The following EPM2A variants were observed in gnomAD, a reference collection of about 807,000 sequenced individuals.
EPM2A encodes the protein EPM2A glucan phosphatase, laforin.
A neutral mutation model predicts 26.5 loss-of-function variants in EPM2A; 21 were observed. That is an observed-to-expected ratio of 0.79 (90% confidence interval 0.56 to 1.14). The LOEUF (loss-of-function observed/expected upper bound fraction) is 1.14, where lower values mean the gene tolerates loss of function less well. Among genes scored for constraint, EPM2A ranks in the 50% most tolerant of loss-of-function variants. The pLI, the probability that EPM2A is intolerant of heterozygous loss-of-function variation, is 0.00. For missense variants in EPM2A, 458 were observed against 440.8 expected, an observed-to-expected ratio of 1.04 and a Z score of -0.35; for synonymous variants, 217 against 177.6, an observed-to-expected ratio of 1.22 and a Z score of -1.76.
At chr6:145,708,888 G>A (rs74649022) in intron 1 of EPM2A, among the ~76,000 whole-genome samples, 5,097 of 152,292 alleles carry the variant, frequency 0.033, 199 homozygotes, top group East Asian at 0.19. Context: ...AGCCAGGAGT[G>A]GGGCTGGACA....
At chr6:145,588,585 T>C (rs1267509427) in intron 2 of EPM2A, among the ~76,000 whole-genome samples, 1 of 152,232 alleles carries the variant, frequency 6.6e-6, no homozygotes, top group African/African-American at 2.4e-5. Flanking sequence ...TTGTTCTATG[T>C]TGTTTTTTCC....
intron 1 of EPM2A, among the ~76,000 whole-genome samples, chr6:145,696,943 C>T (rs904374525): frequency 1.3e-5 from 2 of 151,934 alleles, no homozygotes; most frequent in Admixed American, 6.6e-5. Context: ...TATATGTAAA[C>T]TTGGCTAGCT....
intron 2 of EPM2A, among the ~76,000 whole-genome samples, chr6:145,607,348 A>T (rs754698368): frequency 6.6e-6 from 1 of 152,216 alleles, no homozygotes; most frequent in African/African-American, 2.4e-5. Context: ...TGAATCAAAG[A>T]ATAGAAACCA....
chr6:145,675,851 C>T (rs1252988706), intron 2 of EPM2A, among the ~76,000 whole-genome samples: 1 of 152,180 alleles, frequency 6.6e-6, no homozygotes, highest in African/African-American at 2.4e-5. Flanking sequence ...TAACACCCCA[C>T]TGTCAATATT....
At position 145,464,189 on chromosome 6, in the gene EPM2A, G is replaced by A. The variant is rs543718064; in HGVS notation, c.555+38333C>T. Among the ~76,000 whole-genome samples the A allele has an allele frequency of 2.0e-5, 3 of 152,154 alleles. No individual in the cohort carries two copies. The South Asian group carries it at 6.2e-4, about 32-fold the overall frequency. On this transcript the variant is annotated intron_variant, in intron 4 of 4. Transcript: ENST00000638717. ...GTGATATTGAGTTCTCATGAGATCT[G>A]ATGGTTTTATAAGGCAGTTTTCCCT...
intron 2 of EPM2A, among the ~76,000 whole-genome samples, chr6:145,590,323 C>A (rs1259070451): frequency 6.6e-6 from 1 of 151,902 alleles, no homozygotes; most frequent in African/African-American, 2.4e-5. Context: ...ACCAACTATT[C>A]TACATAACAA....
intron 2 of EPM2A, among the ~76,000 whole-genome samples, chr6:145,543,236 T>A (rs904672173): frequency 2.0e-5 from 3 of 152,080 alleles, no homozygotes; most frequent in Non-Finnish European, 2.9e-5. Flanking sequence ...TCACGAAGAA[T>A]GAATGGCACT....
At chr6:145,601,867 C>T (rs1291409932) in intron 2 of EPM2A, among the ~76,000 whole-genome samples, 1 of 151,924 alleles carries the variant, frequency 6.6e-6, no homozygotes, top group Non-Finnish European at 1.5e-5. Context: ...CAATTATAGG[C>T]GCCTCTTTTA....
intron 1 of EPM2A, among the ~76,000 whole-genome samples, chr6:145,724,639 G>A (rs1421295613): frequency 6.6e-6 from 1 of 152,064 alleles, no homozygotes; most frequent in African/African-American, 2.4e-5. Flanking sequence ...AACAGAGTGT[G>A]ATACTGGTTT....
chr6:145,729,328 C>A lies in EPM2A; in HGVS notation c.301+5870G>T, dbSNP rs1256169576. Among the ~76,000 whole-genome samples, 5 of 152,296 alleles carry A rather than the reference C, an allele frequency of 3.3e-5. No homozygotes were observed. The East Asian group carries it at 7.7e-4, about 24-fold the overall frequency. On this transcript the variant is annotated intron_variant, in intron 1 of 3. Transcript: ENST00000367519. ...CCTCTAGACACCACAATGGTAGATT[C>A]ATCAACAGCTTGCACCGTGGGCCTG...
intron 1 of EPM2A, among the ~76,000 whole-genome samples, chr6:145,688,629 G>A (rs1405870271): frequency 6.6e-6 from 1 of 152,138 alleles, no homozygotes; most frequent in Non-Finnish European, 1.5e-5. Flanking sequence ...AGTAATTTGA[G>A]TGTAAATGGT....
At chr6:145,420,853 G>T (rs1003480132) in intron 4 of EPM2A, among the ~76,000 whole-genome samples, 1 of 150,326 alleles carries the variant, frequency 6.7e-6, no homozygotes, top group African/African-American at 2.5e-5. Context: ...AAGAGAGATA[G>T]AAAGAGAGAG....
At position 145,627,203 on chromosome 6, in the gene EPM2A, CAT is replaced by C. The variant is rs1775872287; in HGVS notation, c.*211_*212del. On this transcript the variant is annotated 3_prime_UTR_variant, in exon 4 of 4. Coordinates refer to ENST00000367519, the MANE Select transcript of EPM2A (RefSeq NM_005670.4). ...AGCCTAACTGCTTCGTGCTTCTTCT[CAT>C]GTGTTGAGCCACAGCTTTCTTGTAG... The C allele has an allele frequency of 2.1e-6, 3 of 1,441,526 alleles. No homozygotes were observed. The East Asian group carries it at 7.5e-5, about 36-fold the overall frequency. The allele number at this position is 1,441,526 out of a possible 1,614,324, so 89.3% of individuals were successfully genotyped here. A position where few individuals can be genotyped will look rare whatever the true frequency, so the allele number is the denominator to read the frequency against.
At chr6:145,643,271 C>T (rs1227519114) in intron 2 of EPM2A, among the ~76,000 whole-genome samples, 1 of 152,156 alleles carries the variant, frequency 6.6e-6, no homozygotes, top group Non-Finnish European at 1.5e-5. Context: ...TATATTTTTA[C>T]AAGACTCAGA....
Position 145,627,498 on chromosome 6 carries a change from A to G in EPM2A, c.914T>C (p.Ile305Thr). 1 of 1,614,260 alleles carries G rather than the reference A, an allele frequency of 6.2e-7. No homozygotes were observed. The highest frequency in any genetic ancestry group is 2.2e-5 in the East Asian group (1 of 44,878). Residue 305 changes from isoleucine to threonine, a missense_variant, in exon 4 of 4, where the codon ATT becomes ACT. Ile to Thr is a moderately conservative substitution (Grantham distance 89). Coordinates refer to ENST00000367519, the MANE Select transcript of EPM2A (RefSeq NM_005670.4). ...FLMAKRPAVYIDEEALARAQE... is the reference protein window; with the variant it reads ...FLMAKRPAVYTDEEALARAQE... ...TGCCCGGGCCAAGGCCTCTTCGTCA[A>G]TGTAGACAGCCGGCCTCTTGGCCAT...
intron 2 of EPM2A, among the ~76,000 whole-genome samples, chr6:145,645,778 G>C (rs2128572895): frequency 6.6e-6 from 1 of 152,114 alleles, no homozygotes; most frequent in East Asian, 1.9e-4. Flanking sequence ...ATATTTTGCA[G>C]AGACAGGGTT....
chr6:145,466,853 T>A (rs1042333295), intron 4 of EPM2A, among the ~76,000 whole-genome samples: 3 of 152,136 alleles, frequency 2.0e-5, no homozygotes, highest in Non-Finnish European at 4.4e-5. Flanking sequence ...GGGACATGGA[T>A]GAAATTGGAA....
intron 3 of EPM2A, among the ~76,000 whole-genome samples, chr6:145,633,539 C>T (rs915524998): frequency 2.0e-5 from 3 of 152,178 alleles, no homozygotes; most frequent in Non-Finnish European, 4.4e-5. Context: ...AAACATTATA[C>T]CCCATCCCCA....
intron 2 of EPM2A, among the ~76,000 whole-genome samples, chr6:145,685,845 C>T (rs1780863276): frequency 6.6e-6 from 1 of 151,960 alleles, no homozygotes; most frequent in Non-Finnish European, 1.5e-5. Flanking sequence ...ATTTTTAATC[C>T]ACTACATAAG....
Sources: gnomAD v4.1 joint callset for allele counts (sites outside exome capture counted in the v4.1 genomes callset) on GRCh38, gnomAD v4.1.1 for gene constraint, MANE v1.5 for transcripts, NCBI Gene and HGNC (gene_info 2026-07-23, HGNC 2026-07-21) for gene names.